KICS2: variants seen among roughly 807,000 people sequenced by gnomAD.
KICS2 encodes the protein KICSTOR complex protein C12orf66.
Under a neutral mutation model 31.4 loss-of-function variants are expected in KICS2, and 13 were observed. The ratio of observed to expected loss-of-function variants is 0.41; its 90% CI spans 0.27 to 0.66. The LOEUF is 0.66. Among genes scored for constraint, KICS2 ranks in the 30% least tolerant of loss-of-function variants. The pLI, the probability that KICS2 is intolerant of heterozygous loss-of-function variation, is 0.28. For synonymous variants in KICS2, 209 were observed against 214.8 expected (o/e 0.97, Z 0.24); for missense variants, 455 against 545.4 (o/e 0.83, Z 1.65).
In KICS2 at chr12:64,193,483, T is replaced by G; in HGVS notation, c.*359A>C. The G allele has an allele frequency of 9.8e-7, 1 of 1,017,482 alleles. No individual in the cohort carries two copies. Among genetic ancestry groups the G allele is most frequent in the Non-Finnish European group, 1.2e-6 (1 of 851,056 alleles). The allele number at this position is 1,017,482 out of a possible 1,614,324, so 63.0% of individuals were successfully genotyped here. A position where few individuals can be genotyped will look rare whatever the true frequency, so the allele number is the denominator to read the frequency against. On this transcript the variant is annotated 3_prime_UTR_variant, in exon 3 of 3. Coordinates refer to ENST00000398055, the MANE Select transcript of KICS2 (RefSeq NM_152440.5). ...CCAAGAAGGAGGGAAACAGAGAGGC[T>G]GTTTGGAATTGCAGTAGAACACAAT... is the stretch of plus-strand genomic sequence containing the variant.
chr12:64,215,602 T>C, intron 2 of KICS2, 76 bp downstream of exon 2: 1 of 1,229,518 alleles, frequency 8.1e-7, no homozygotes, highest in Non-Finnish European at 1.1e-6. Context: ...TTCATAAGAG[T>C]GTGGAGAAAA....
At chr12:64,186,414 C>T (rs2136681111), downstream of KICS2, 1 of 152,148 alleles carries the variant, frequency 6.6e-6, no homozygotes, top group South Asian at 2.1e-4. Flanking sequence ...GAATGGAGTT[C>T]AGGGAGCAAA....
rs563643573 is a variant in KICS2 at position 64,191,603 on chromosome 12, A to G, written c.*2239T>C. The G allele has an allele frequency of 1.3e-5, 2 of 152,306 alleles. No individual in the cohort carries two copies. Among genetic ancestry groups the G allele is most frequent in the South Asian group, 4.1e-4 (2 of 4,822 alleles). 9.4% of individuals were successfully genotyped at this position (152,306 alleles called of 1,614,324 possible). A position where few individuals can be genotyped will look rare whatever the true frequency, so the allele number is the denominator to read the frequency against. On this transcript the variant is annotated 3_prime_UTR_variant, in exon 3 of 3. Coordinates refer to ENST00000398055, the MANE Select transcript of KICS2 (RefSeq NM_152440.5). The stretch of plus-strand genomic sequence containing the variant: ...AGTTTCTTGGCAGAACACAATAGAG[A>G]GGAAAAGTGATTTGACTTTTTAGCT...
At chr12:64,188,513 A>G (rs1182664250), downstream of KICS2, among the ~76,000 whole-genome samples, 1 of 151,774 alleles carries the variant, frequency 6.6e-6, no homozygotes, top group Non-Finnish European at 1.5e-5. Context: ...ACAGAGAAGA[A>G]AAAGGTAAGA....
chr12:64,218,204 TAC>T (rs1164547190), intron 1 of KICS2, among the ~76,000 whole-genome samples: 1 of 152,214 alleles, frequency 6.6e-6, no homozygotes, highest in East Asian at 1.9e-4. Flanking sequence ...GCTGATTTTG[TAC>T]AGTGAAGGGT....
At chr12:64,216,147 A>G (rs1164108859) in intron 1 of KICS2, among the ~76,000 whole-genome samples, 184 bp from the exon 2 acceptor site, 1 of 83,880 alleles carries the variant, frequency 1.2e-5, no homozygotes, top group African/African-American at 4.1e-5. Context: ...CTTTATGATT[A>G]TCATAAATAC....
At chr12:64,188,259 T>C (rs2037354016), downstream of KICS2, among the ~76,000 whole-genome samples, 1 of 152,142 alleles carries the variant, frequency 6.6e-6, no homozygotes, top group South Asian at 2.1e-4. Flanking sequence ...GCACAGTGGC[T>C]CACGTCTGTA....
chr12:64,221,760 G>C (rs1384187092), intron 1 of KICS2: 3 of 589,288 alleles, frequency 5.1e-6, no homozygotes, highest in African/African-American at 1.9e-5. Flanking sequence ...AAACCCTTCG[G>C]TTTGGGTCAC....
intron 1 of KICS2, among the ~76,000 whole-genome samples, chr12:64,217,333 C>G (rs1468114492): frequency 6.6e-6 from 1 of 152,166 alleles, no homozygotes; most frequent in Non-Finnish European, 1.5e-5. Context: ...ACTACTGATA[C>G]TTTGAAAAGT....
At chr12:64,210,195 G>A (rs756027703) in intron 2 of KICS2, among the ~76,000 whole-genome samples, 10 of 152,192 alleles carry the variant, frequency 6.6e-5, no homozygotes, top group Non-Finnish European at 1.5e-4. Context: ...CTCTAATTTA[G>A]ATCATTTTCA....
intron 2 of KICS2, among the ~76,000 whole-genome samples, chr12:64,205,646 G>GAAA (rs374006589): frequency 7.5e-6 from 1 of 132,862 alleles, no homozygotes; most frequent in African/African-American, 2.8e-5. Flanking sequence ...GGGAAGGAAT[G>GAAA]AAGGAAGGGA....
chr12:64,218,867 C>A (rs969970383), intron 1 of KICS2, among the ~76,000 whole-genome samples: 4 of 152,132 alleles, frequency 2.6e-5, no homozygotes, highest in Non-Finnish European at 5.9e-5. Flanking sequence ...AGAGATAGAC[C>A]ATCAACACAT....
At chr12:64,198,864 A>C (rs1358539128) in intron 2 of KICS2, among the ~76,000 whole-genome samples, 1 of 151,452 alleles carries the variant, frequency 6.6e-6, no homozygotes, top group East Asian at 1.9e-4. Flanking sequence ...GAAATGGATA[A>C]ATTCCTCCAC....
intron 2 of KICS2, among the ~76,000 whole-genome samples, chr12:64,211,317 G>A (rs529147267): frequency 2.0e-5 from 3 of 152,260 alleles, no homozygotes; most frequent in Admixed American, 6.5e-5. Context: ...AGGAATGACA[G>A]CAAGAACTTG....
chr12:64,202,683 T>C (rs1436670480), intron 2 of KICS2, among the ~76,000 whole-genome samples: 1 of 149,262 alleles, frequency 6.7e-6, no homozygotes, highest in South Asian at 2.1e-4. Context: ...ATATTAAATA[T>C]ATATTTATTT....
downstream of KICS2, among the ~76,000 whole-genome samples, chr12:64,188,153 G>A (rs984423207): frequency 1.1e-4 from 17 of 152,228 alleles, no homozygotes; most frequent in East Asian, 3.8e-4. Flanking sequence ...GACTACTGGT[G>A]TATGTCCTGG....
At position 64,192,325 on chromosome 12, in the gene KICS2, A is replaced by G. The variant is rs1459832259; in HGVS notation, c.*1517T>C. ...TTTTTAGTAGAGATGGGGTTTCACC[A>G]TGTTGGCCACGCTGATCTCGAACTC... On this transcript the variant is annotated 3_prime_UTR_variant, in exon 3 of 3. Coordinates refer to ENST00000398055, the MANE Select transcript of KICS2 (RefSeq NM_152440.5). The G allele has an allele frequency of 6.6e-6, 1 of 152,298 alleles. No homozygotes were observed. The highest frequency in any genetic ancestry group is 1.9e-4 in the East Asian group (1 of 5,164). The allele number at this position is 152,298 out of a possible 1,614,324, so 9.4% of individuals were successfully genotyped here.
chr12:64,194,936 ATT>A lies in KICS2; in HGVS notation c.522-280_522-279del, dbSNP rs60371744. Among the ~76,000 whole-genome samples the A allele has an allele frequency of 5.8e-4, 86 of 149,526 alleles. 2 individuals are homozygous for A. Among genetic ancestry groups the A allele is most frequent in the African/African-American group, 1.6e-3 (67 of 40,746 alleles). On this transcript the variant is annotated intron_variant, in intron 2 of 2. Coordinates refer to ENST00000398055, the MANE Select transcript of KICS2 (RefSeq NM_152440.5). ...AGGAATACCAAATTAGCTACAATTC[ATT>A]TTTTTTTTTTTATTTATTTATTTTA...
chr12:64,187,732 T>C (rs931570780), downstream of KICS2: 435 of 1,207,010 alleles, frequency 3.6e-4, 2 homozygotes, highest in Middle Eastern at 1.9e-3. Flanking sequence ...AGCATGTTTT[T>C]TGTTTCTCAC....
Sources: allele counts gnomAD v4.1 joint callset (sites outside exome capture counted in the v4.1 genomes callset), GRCh38; gene constraint gnomAD v4.1.1; transcripts MANE v1.5; gene names NCBI Gene and HGNC (gene_info 2026-07-23, HGNC 2026-07-21).